The following IL20RA variants were observed in gnomAD, a reference collection of about 807,000 sequenced individuals.
IL20RA encodes interleukin 20 receptor subunit alpha.
Under a neutral mutation model 36.5 loss-of-function variants are expected in IL20RA, and 29 were observed. The observed-to-expected ratio is 0.79, with a 90% CI of 0.59 to 1.08. IL20RA has a LOEUF of 1.08. IL20RA is among the 50% of genes least tolerant of loss of function. IL20RA has a pLI of 0.00. For missense variants in IL20RA, 652 were observed against 668.4 expected (o/e 0.98, Z 0.27); for synonymous variants, 279 against 267.1 (o/e 1.04, Z -0.43).
intron 1 of IL20RA, among the ~76,000 whole-genome samples, chr6:137,039,887 A>C (rs563553715): frequency 6.6e-6 from 1 of 152,356 alleles, no homozygotes; most frequent in South Asian, 2.1e-4. Flanking sequence ...CCCAAATTGT[A>C]ATACAAGCAG....
chr6:137,014,919 C>T (rs1775626398), intron 2 of IL20RA, among the ~76,000 whole-genome samples: 1 of 152,182 alleles, frequency 6.6e-6, no homozygotes, highest in African/African-American at 2.4e-5. Flanking sequence ...ACCTCATCCT[C>T]CAGGAAGATC....
intron 1 of IL20RA, chr6:137,043,001 GA>G (rs1312294065): frequency 2.0e-5 from 3 of 152,192 alleles, no homozygotes; most frequent in African/African-American, 7.2e-5. Context: ...TCTTGGGTCA[GA>G]AAAGATTTCT....
intron 4 of IL20RA, chr6:137,009,088 C>T (rs1775378701): frequency 3.3e-6 from 2 of 603,140 alleles, no homozygotes; most frequent in Non-Finnish European, 5.9e-6. Context: ...TACAATCTCT[C>T]TACACTCCAA....
intron 1 of IL20RA, among the ~76,000 whole-genome samples, chr6:137,017,920 A>T (rs1393048596): frequency 1.3e-5 from 2 of 152,192 alleles, no homozygotes; most frequent in African/African-American, 4.8e-5. Flanking sequence ...TTATAAAATA[A>T]AGCAAAGATA....
chr6:137,010,249 G>T (rs73560651), intron 3 of IL20RA, among the ~76,000 whole-genome samples: 1,817 of 152,282 alleles, frequency 0.012, 40 homozygotes, highest in African/African-American at 0.041. Flanking sequence ...AATATTTCAG[G>T]CATCGCAGGC....
intron 1 of IL20RA, 30 bp downstream of exon 1, chr6:137,044,611 G>T (rs1776833129): frequency 8.2e-7 from 1 of 1,219,402 alleles, no homozygotes; most frequent in South Asian, 4.2e-5. Flanking sequence ...AGGCATCCCC[G>T]ACCCGCACCT....
chr6:137,033,523 G>A (rs1287822370), intron 1 of IL20RA, among the ~76,000 whole-genome samples: 1 of 152,206 alleles, frequency 6.6e-6, no homozygotes, highest in Non-Finnish European at 1.5e-5. Context: ...TCCTGATAGT[G>A]AGTGAGTTCT....
chr6:137,038,561 T>A (rs1279213258), intron 1 of IL20RA, among the ~76,000 whole-genome samples: 1 of 152,166 alleles, frequency 6.6e-6, no homozygotes, highest in African/African-American at 2.4e-5. Context: ...TAATTCATGT[T>A]TCTCATATCA....
intron 1 of IL20RA, among the ~76,000 whole-genome samples, chr6:137,029,445 TGTA>T (rs1180618029): frequency 6.6e-6 from 1 of 152,228 alleles, no homozygotes; most frequent in African/African-American, 2.4e-5. Flanking sequence ...AGGCGGAGGT[TGTA>T]GAGAGCTGAG....
chr6:137,043,711 T>A (rs139656358), intron 1 of IL20RA, among the ~76,000 whole-genome samples: 1 of 152,214 alleles, frequency 6.6e-6, no homozygotes, highest in South Asian at 2.1e-4. Flanking sequence ...TACTGTTCAG[T>A]TCTGGGTTAA....
At chr6:137,009,774 T>G (rs1270247712) in intron 3 of IL20RA, among the ~76,000 whole-genome samples, 1 of 151,814 alleles carries the variant, frequency 6.6e-6, no homozygotes, top group Non-Finnish European at 1.5e-5. Flanking sequence ...CCCAGCTAAT[T>G]TTTGTATTTT....
At chr6:137,039,920 T>A (rs1776625786) in intron 1 of IL20RA, among the ~76,000 whole-genome samples, 1 of 151,852 alleles carries the variant, frequency 6.6e-6, no homozygotes, top group Non-Finnish European at 1.5e-5. Context: ...ACTGAACTTA[T>A]CCCAAATGGA....
intron 1 of IL20RA, among the ~76,000 whole-genome samples, chr6:137,031,406 C>G (rs1776276667): frequency 6.6e-6 from 1 of 152,170 alleles, no homozygotes; most frequent in Admixed American, 6.5e-5. Flanking sequence ...AAACAACGTT[C>G]AGTCAATGAT....
At position 137,006,380 on chromosome 6, in the gene IL20RA, C is replaced by T. The variant is rs547875053; in HGVS notation, c.725-1620G>A. Among the ~76,000 whole-genome samples the T allele has an allele frequency of 2.2e-4, 33 of 152,288 alleles. 1 individual carries two copies. Among genetic ancestry groups the T allele is most frequent in the South Asian group, 1.7e-3 (8 of 4,826 alleles). On this transcript the variant is annotated intron_variant, in intron 5 of 6. Transcript: ENST00000316649. ...TGCGGGTGTCAGAACACCACCTGCC[C>T]TGCTTGTAGCCTATAACTCAGTCCA... is the stretch of plus-strand genomic sequence containing the variant.
At chr6:137,032,553 C>T (rs1776335484) in intron 1 of IL20RA, among the ~76,000 whole-genome samples, 1 of 152,226 alleles carries the variant, frequency 6.6e-6, no homozygotes, top group African/African-American at 2.4e-5. Flanking sequence ...TCCAAGTTCT[C>T]ACTTTCTGTT....
chr6:137,011,733 A>G (rs989426230), intron 2 of IL20RA, among the ~76,000 whole-genome samples: 1 of 152,194 alleles, frequency 6.6e-6, no homozygotes, highest in Admixed American at 6.5e-5. Flanking sequence ...TTCTTTGGCT[A>G]CAGTGAAATT....
chr6:137,001,296 G>C lies in IL20RA; in HGVS notation c.*262C>G, dbSNP rs1376717111. On this transcript the variant is annotated 3_prime_UTR_variant, in exon 7 of 7. Transcript: ENST00000316649. ...CCTGAATAAATTCTGCACCCAGTCT[G>C]GCAAACATTTATTGACTGCTTTCTC... The C allele has an allele frequency of 1.2e-5, 4 of 328,630 alleles. No individual in the cohort carries two copies. Among genetic ancestry groups the C allele is most frequent in the Non-Finnish European group, 2.2e-5 (4 of 180,848 alleles). 20.4% of individuals were successfully genotyped at this position (328,630 alleles called of 1,614,324 possible). A position where few individuals can be genotyped will look rare whatever the true frequency, so the allele number is the denominator to read the frequency against.
chr6:137,021,082 G>A (rs915973329), intron 1 of IL20RA, among the ~76,000 whole-genome samples: 2 of 150,310 alleles, frequency 1.3e-5, no homozygotes, highest in Non-Finnish European at 2.9e-5. Flanking sequence ...ATTAAGCCAC[G>A]TTAGTCATCT....
intron 1 of IL20RA, among the ~76,000 whole-genome samples, chr6:137,024,826 A>G (rs566273954): frequency 1.9e-4 from 29 of 152,058 alleles, no homozygotes; most frequent in Non-Finnish European, 3.7e-4. Context: ...GGTCTCCACT[A>G]AAGTGAGCAA....
Sources: allele counts gnomAD v4.1 joint callset (sites outside exome capture counted in the v4.1 genomes callset), GRCh38; gene constraint gnomAD v4.1.1; transcripts MANE v1.5; gene names NCBI Gene and HGNC (gene_info 2026-07-23, HGNC 2026-07-21).